Variants in MACF1 observed in about 807,000 individuals in gnomAD.
MACF1 encodes microtubule actin crosslinking factor 1.
MACF1 carries 193 observed loss-of-function variants against 854.8 expected under a neutral mutation model. That is an observed-to-expected ratio of 0.23 (90% CI 0.20 to 0.25). MACF1 has a LOEUF of 0.25. MACF1 is among the 10% of genes least tolerant of loss of function. The pLI, the probability that MACF1 is intolerant of heterozygous loss-of-function variation, is 1.00. For synonymous variants in MACF1, 3,185 were observed against 3,226.7 expected, an observed-to-expected ratio of 0.99 and a Z score of 0.44; for missense variants, 7,722 against 8,929.1, an observed-to-expected ratio of 0.86 and a Z score of 5.45.
chr1:39,406,603 C>G (rs560609053), intron 58 of MACF1, among the ~76,000 whole-genome samples: 7 of 151,874 alleles, frequency 4.6e-5, no homozygotes, highest in Non-Finnish European at 8.8e-5. Flanking sequence ...GGTGCGGTGG[C>G]GCATGCCTGT....
At chr1:39,301,714 T>TG (rs1646047036) in intron 22 of MACF1, among the ~76,000 whole-genome samples, 1 of 151,884 alleles carries the variant, frequency 6.6e-6, no homozygotes, top group Non-Finnish European at 1.5e-5. Flanking sequence ...CATAAGCCAC[T>TG]GCGCCCAGCG....
Position 39,335,544 on chromosome 1 carries a change from A to G in MACF1, c.8956A>G (p.Ile2986Val), listed in dbSNP as rs775035906. The G allele has an allele frequency of 6.2e-7, 1 of 1,614,204 alleles. No homozygotes were observed. Among genetic ancestry groups the G allele is most frequent in the Non-Finnish European group, 8.5e-7 (1 of 1,180,020 alleles). Reference protein sequence around the residue: ...EKREVIVEESIRTCKPAFLSE... With the variant: ...EKREVIVEESVRTCKPAFLSE... ...GAGGGAGGTGATTGTAGAAGAAAGTATCAGAACATGCAAACCAGCATTTCT... is the reference window on the plus strand; with the variant it reads ...GAGGGAGGTGATTGTAGAAGAAAGTGTCAGAACATGCAAACCAGCATTTCT... Residue 2986 changes from isoleucine to valine, a missense_variant, in exon 37 of 101, where the codon ATC becomes GTC. Transcript: ENST00000564288.
Position 39,332,584 on chromosome 1 carries a change from A to T in MACF1, c.5996A>T (p.Gln1999Leu), listed in dbSNP as rs768690518. The change falls in exon 37 of 101, where the codon CAA becomes CTA. Residue 1999 changes from glutamine (Q) to leucine (L), a missense_variant. Physicochemically the swap from Gln to Leu is moderately radical, Grantham distance 113 (BLOSUM62 -2). Around this residue, in one of 15 missense-constraint regions of MACF1, gnomAD observed 1,531 missense variants for 1,601.6 expected, o/e 0.96. Coordinates refer to ENST00000564288, the MANE Select transcript of MACF1 (RefSeq NM_001394062.1). ...METLTSRDEYQTSPPKVVEIG... is the reference protein window; with the variant it reads ...METLTSRDEYLTSPPKVVEIG... ...ACACTAACATCCAGAGATGAGTATC[A>T]AACAAGTCCTCCAAAAGTGGTTGAA... The T allele has an allele frequency of 2.0e-5, 32 of 1,614,062 alleles. No individual in the cohort carries two copies. The South Asian group carries it at 3.4e-4, about 17-fold the overall frequency.
chr1:39,393,629 T>G (rs1306121946), intron 58 of MACF1, among the ~76,000 whole-genome samples: 3 of 151,748 alleles, frequency 2.0e-5, no homozygotes, highest in Non-Finnish European at 4.4e-5. Context: ...GGCAACAAAA[T>G]GAGGCGGCCC....
intron 5 of MACF1, 128 bp downstream of exon 5, chr1:39,254,503 C>A (rs1645076328): frequency 2.6e-6 from 2 of 771,652 alleles, no homozygotes; most frequent in Admixed American, 2.2e-5. Context: ...AGTTCTGAGT[C>A]TTAACTTGCT....
chr1:39,294,614 T>C (rs761386461), intron 18 of MACF1, among the ~76,000 whole-genome samples: 1 of 152,222 alleles, frequency 6.6e-6, no homozygotes, highest in Non-Finnish European at 1.5e-5. Flanking sequence ...ACAGAAGAGC[T>C]ATTTAAATTG....
rs145878312 is a variant in MACF1, at chr1:39,371,487, A to G, written c.13096-992A>G. Among the ~76,000 whole-genome samples the G allele has an allele frequency of 1.9e-3, 283 of 152,248 alleles. 2 individuals are homozygous for G. Among genetic ancestry groups the G allele is most frequent in the African/African-American group, 6.3e-3 (260 of 41,556 alleles). ...AGGGATATTCAGTATGGAGGAGGGC[A>G]ATGAAGGCTAGAATGGTGTCCTTTC... On this transcript the variant is annotated intron_variant, in intron 51 of 100. Transcript: ENST00000564288.
intron 6 of MACF1, among the ~76,000 whole-genome samples, chr1:39,277,153 GAAAA>G (rs35640640): frequency 4.9e-5 from 7 of 143,622 alleles, no homozygotes; most frequent in African/African-American, 1.8e-4. Flanking sequence ...CAGAATGAAT[GAAAA>G]AAAAAAAAAA....
rs868523883 is a variant in MACF1 at position 39,439,662 on chromosome 1, A to G, written c.18447+162A>G. Among the ~76,000 whole-genome samples the G allele has an allele frequency of 1.2e-4, 19 of 152,130 alleles. 1 individual carries two copies. Among genetic ancestry groups the G allele is most frequent in the Admixed American group, 1.2e-3 (18 of 15,274 alleles). On this transcript the variant is annotated intron_variant, in intron 72 of 100. Transcript: ENST00000564288. The stretch of plus-strand genomic sequence containing the variant: ...CTCTTGTCCCCAAGGCTGGAGTGCA[A>G]TGGCATGATCTTGACTCACTGCAAC...
intron 64 of MACF1, 135 bp downstream of exon 64, chr1:39,429,461 A>G (rs935406878): frequency 1.8e-5 from 11 of 613,164 alleles, no homozygotes; most frequent in East Asian, 1.1e-4. Flanking sequence ...TGTATTCCCT[A>G]CTGTGCTCCA....
chr1:39,429,795 A>C (rs769329160), intron 64 of MACF1, 32 bp from the exon 65 acceptor site: 3 of 1,609,142 alleles, frequency 1.9e-6, no homozygotes, highest in Non-Finnish European at 2.6e-6. Flanking sequence ...TAGGTCTCTT[A>C]AATATGAGTA....
At chr1:39,116,484 G>A (rs1371718313) in intron 2 of MACF1, among the ~76,000 whole-genome samples, 1 of 152,000 alleles carries the variant, frequency 6.6e-6, no homozygotes, top group Non-Finnish European at 1.5e-5. Context: ...AGATTCCAAG[G>A]CAGACAGGTA....
rs528248316 is a variant in MACF1 at position 39,465,885 on chromosome 1, G to A, written c.21771+773G>A. On this transcript the variant is annotated intron_variant, in intron 95 of 100. Coordinates refer to ENST00000564288, the MANE Select transcript of MACF1 (RefSeq NM_001394062.1). ...GTTCTAGGCAAGTGGGAAGAACAGG[G>A]GATAAGAGAAAAAAACTAAAGATGA... Among the ~76,000 whole-genome samples the A allele has an allele frequency of 2.6e-5, 4 of 152,176 alleles. No homozygotes were observed. In the South Asian group the frequency reaches 6.2e-4, roughly 24 times the overall value.
At chr1:39,319,770 A>C (rs1646477870) in intron 31 of MACF1, 23 bp downstream of exon 31, 1 of 1,541,980 alleles carries the variant, frequency 6.5e-7, no homozygotes, top group African/African-American at 1.4e-5. Flanking sequence ...CATCCCAAAA[A>C]GAACATGAAT....
chr1:39,231,256 C>T lies in MACF1; in HGVS notation c.171+13C>T, dbSNP rs774892949. On this transcript the variant is annotated intron_variant, in intron 2 of 100. Coordinates refer to ENST00000564288, the MANE Select transcript of MACF1 (RefSeq NM_001394062.1). ...GCACTTAATGAAGGTAGGACCCTTT[C>T]ATATATATGCTGCCCCAGCACCTCT... 2 of 1,612,364 alleles carry T rather than the reference C, an allele frequency of 1.2e-6. No homozygotes were observed. Among genetic ancestry groups the T allele is most frequent in the Middle Eastern group, 1.6e-4 (1 of 6,062 alleles).
intron 58 of MACF1, among the ~76,000 whole-genome samples, chr1:39,394,631 GA>G (rs1361873767): frequency 6.6e-6 from 1 of 151,736 alleles, no homozygotes; most frequent in African/African-American, 2.4e-5. Context: ...TCCAAAAAAA[GA>G]AAAAGAAAAG....
chr1:39,138,006 G>A (rs762249056), intron 2 of MACF1, among the ~76,000 whole-genome samples: 5 of 150,274 alleles, frequency 3.3e-5, no homozygotes, highest in East Asian at 2.0e-4. Flanking sequence ...CCTGGGAGGC[G>A]GAGGTTGCAG....
At chr1:39,413,337 G>A (rs1410718502) in intron 58 of MACF1, 1 of 1,411,608 alleles carries the variant, frequency 7.1e-7, no homozygotes, top group South Asian at 1.3e-5. Flanking sequence ...CCACCCCAGA[G>A]GAGCCCACCT....
chr1:39,228,895 C>T (rs1330538894), intron 1 of MACF1, among the ~76,000 whole-genome samples: 2 of 152,222 alleles, frequency 1.3e-5, no homozygotes. Context: ...TTCAGCTGAT[C>T]TGCCCACCTC....
Sources: allele counts gnomAD v4.1 joint callset (sites outside exome capture counted in the v4.1 genomes callset), GRCh38; gene constraint gnomAD v4.1.1; regional missense constraint gnomAD v4.1.1; transcripts MANE v1.5; gene names NCBI Gene and HGNC (gene_info 2026-07-23, HGNC 2026-07-21).